The following ADAMTS17 variants were observed in gnomAD, a reference collection of about 807,000 sequenced individuals.
ADAMTS17 encodes the protein A disintegrin and metalloproteinase with thrombospondin motifs 17.
ADAMTS17 carries 113 observed loss-of-function variants against 141.5 expected under a neutral mutation model. That is an observed-to-expected ratio of 0.80 (90% CI 0.69 to 0.93). The LOEUF is 0.93. Among genes scored for constraint, ADAMTS17 ranks in the 40% least tolerant of loss-of-function variants. ADAMTS17 has a pLI of 0.00. For missense variants in ADAMTS17, 1,659 were observed against 1,517.9 expected (o/e 1.09, Z -1.54); for synonymous variants, 768 against 630.6 (o/e 1.22, Z -3.27).
chr15:100,101,169 G>A (rs1359013595), intron 14 of ADAMTS17, among the ~76,000 whole-genome samples: 2 of 152,130 alleles, frequency 1.3e-5, no homozygotes, highest in East Asian at 1.9e-4. Flanking sequence ...TCTCTGCCAG[G>A]CTGGCTCTTC....
intron 18 of ADAMTS17, among the ~76,000 whole-genome samples, chr15:100,028,147 G>C (rs967715694): frequency 6.6e-6 from 1 of 152,192 alleles, no homozygotes; most frequent in African/African-American, 2.4e-5. Context: ...AGCTTACTAA[G>C]TGCTCTGCTG....
chr15:100,255,700 G>C (rs1013852305), intron 6 of ADAMTS17, among the ~76,000 whole-genome samples: 1 of 151,092 alleles, frequency 6.6e-6, no homozygotes, highest in African/African-American at 2.4e-5. Context: ...CATATTTAAA[G>C]CTTTGCCCCA....
intron 12 of ADAMTS17, among the ~76,000 whole-genome samples, chr15:100,125,254 C>T (rs2037669885): frequency 6.6e-6 from 1 of 152,342 alleles, no homozygotes; most frequent in South Asian, 2.1e-4. Context: ...TTTAAGGCCT[C>T]CTCTGAAAGG....
At chr15:100,195,547 G>A (rs886972129) in intron 8 of ADAMTS17, among the ~76,000 whole-genome samples, 5 of 148,986 alleles carry the variant, frequency 3.4e-5, no homozygotes, top group South Asian at 2.1e-4. Flanking sequence ...CATTTTCACC[G>A]GCATCACTTT....
At chr15:100,160,113 T>C (rs2039622760) in intron 8 of ADAMTS17, among the ~76,000 whole-genome samples, 1 of 152,118 alleles carries the variant, frequency 6.6e-6, no homozygotes, top group African/African-American at 2.4e-5. Context: ...AATTTGCACA[T>C]TCACCAAATG....
chr15:100,314,008 C>T (rs2045483846), intron 3 of ADAMTS17, among the ~76,000 whole-genome samples: 2 of 132,408 alleles, frequency 1.5e-5, no homozygotes, highest in South Asian at 3.0e-4. Flanking sequence ...CATGAAGAAA[C>T]GTCAGACAAA....
intron 18 of ADAMTS17, among the ~76,000 whole-genome samples, chr15:100,045,398 G>A (rs1428332587): frequency 6.6e-6 from 1 of 152,146 alleles, no homozygotes; most frequent in African/African-American, 2.4e-5. Flanking sequence ...CAGCTCTAGA[G>A]TTTCATTTTA....
chr15:100,144,953 T>G (rs760929320), intron 10 of ADAMTS17, among the ~76,000 whole-genome samples: 5 of 152,214 alleles, frequency 3.3e-5, no homozygotes, highest in Non-Finnish European at 7.3e-5. Context: ...ACCCAGTTTC[T>G]TTTCTTACTT....
intron 15 of ADAMTS17, among the ~76,000 whole-genome samples, chr15:100,093,892 G>A (rs1203289385): frequency 2.0e-5 from 3 of 152,062 alleles, no homozygotes; most frequent in Admixed American, 6.6e-5. Context: ...GATTGGGCTT[G>A]GGGGTAACCA....
At chr15:100,080,277 T>G (rs557396504) in intron 15 of ADAMTS17, among the ~76,000 whole-genome samples, 150 of 152,276 alleles carry the variant, frequency 9.9e-4, no homozygotes, top group African/African-American at 3.5e-3. Flanking sequence ...ACCTGGACAC[T>G]TTGGGCTCCT....
chr15:100,272,921 C>T (rs2043963861), intron 4 of ADAMTS17, among the ~76,000 whole-genome samples: 1 of 152,028 alleles, frequency 6.6e-6, no homozygotes, highest in Non-Finnish European at 1.5e-5. Flanking sequence ...TCAATTTTAT[C>T]AAATTCTTTT....
chr15:100,014,747 C>T (rs1455851648), intron 18 of ADAMTS17, among the ~76,000 whole-genome samples: 3 of 152,018 alleles, frequency 2.0e-5, no homozygotes, highest in Admixed American at 6.6e-5. Flanking sequence ...TTTCAATTTT[C>T]TTAAATTTAT....
rs145262265 is a variant in ADAMTS17, at chr15:100,005,077, G to A, written c.2592-7488C>T. 2.9e-3 allele frequency among the ~76,000 whole-genome samples: 435 copies of A among 152,304 alleles called. 1 individual carries two copies. The highest frequency in any genetic ancestry group is 9.5e-3 in the African/African-American group (394 of 41,566). ...GGCTGAAACTGTAATTCTTTAGGAA[G>A]TCACAGTTAACGCTTCTCTAATTCA... On this transcript the variant is annotated intron_variant, in intron 18 of 21. Coordinates refer to ENST00000268070, the MANE Select transcript of ADAMTS17 (RefSeq NM_139057.4).
intron 7 of ADAMTS17, among the ~76,000 whole-genome samples, chr15:100,202,120 G>A (rs1277082811): frequency 6.6e-6 from 1 of 152,166 alleles, no homozygotes; most frequent in African/African-American, 2.4e-5. Context: ...CCCACCACGG[G>A]CTCTGATGCA....
chr15:100,317,500 C>T (rs760871496), intron 3 of ADAMTS17, among the ~76,000 whole-genome samples: 3 of 152,106 alleles, frequency 2.0e-5, no homozygotes, highest in Non-Finnish European at 2.9e-5. Context: ...GATGGACCCT[C>T]GCTCAGCTGA....
At chr15:100,294,159 T>C (rs914422920) in intron 3 of ADAMTS17, among the ~76,000 whole-genome samples, 1 of 152,224 alleles carries the variant, frequency 6.6e-6, no homozygotes, top group South Asian at 2.1e-4. Flanking sequence ...ACTCGTCTTA[T>C]TTCTATCATC....
At chr15:100,314,653 C>T (rs1414107390) in intron 3 of ADAMTS17, among the ~76,000 whole-genome samples, 1 of 152,114 alleles carries the variant, frequency 6.6e-6, no homozygotes, top group Non-Finnish European at 1.5e-5. Flanking sequence ...ACAAGGATAA[C>T]AGAGCAAAGA....
chr15:100,277,609 C>A (rs929814539), intron 4 of ADAMTS17, among the ~76,000 whole-genome samples: 1 of 152,230 alleles, frequency 6.6e-6, no homozygotes, highest in African/African-American at 2.4e-5. Flanking sequence ...TCCTCTCAGG[C>A]GTGCTCCGGG....
chr15:100,067,925 C>T (rs2033663569), intron 15 of ADAMTS17, among the ~76,000 whole-genome samples: 3 of 152,130 alleles, frequency 2.0e-5, no homozygotes, highest in Admixed American at 2.0e-4. Flanking sequence ...GGGTGCAGTG[C>T]ACTGAGCGTG....
Sources: gnomAD v4.1 joint callset for allele counts (sites outside exome capture counted in the v4.1 genomes callset) on GRCh38, gnomAD v4.1.1 for gene constraint, MANE v1.5 for transcripts, NCBI Gene and HGNC (gene_info 2026-07-23, HGNC 2026-07-21) for gene names.